Variants in NUDCD1 observed in about 807,000 individuals in gnomAD.
The protein encoded by NUDCD1 is nudC domain-containing protein 1.
In NUDCD1, 60 loss-of-function variants were observed where a neutral mutation model predicts 67.8. The observed-to-expected ratio is 0.88, with a 90% CI of 0.72 to 1.10. The LOEUF is 1.10. Among genes scored for constraint, NUDCD1 ranks in the 50% least tolerant of loss-of-function variants. NUDCD1 has a pLI of 0.00. For synonymous variants in NUDCD1, 244 were observed against 230.8 expected, an observed-to-expected ratio of 1.06 and a Z score of -0.52; for missense variants, 643 against 695.0, an observed-to-expected ratio of 0.93 and a Z score of 0.84.
chr8:109,270,976 T>G lies in NUDCD1; in HGVS notation c.1299+29A>C, dbSNP rs751621080. On this transcript the variant is annotated intron_variant, in intron 8 of 9. Transcript: ENST00000239690. Reference sequence around the variant, plus strand: ...ATTATCTGAGTAACTACTGACAAAATTTTAGAAATATTAATATCAGTAACT... The same window carrying G: ...ATTATCTGAGTAACTACTGACAAAAGTTTAGAAATATTAATATCAGTAACT... 3 of 1,479,784 alleles carry G rather than the reference T, an allele frequency of 2.0e-6. No individual in the cohort carries two copies. In the African/African-American group the frequency reaches 4.2e-5, roughly 21 times the overall value. 91.7% of individuals were successfully genotyped at this position (1,479,784 alleles called of 1,614,324 possible). A position where few individuals can be genotyped will look rare whatever the true frequency, so the allele number is the denominator to read the frequency against.
At chr8:109,296,596 A>G in intron 2 of NUDCD1, 27 bp from the exon 3 acceptor site, 3 of 1,461,012 alleles carry the variant, frequency 2.1e-6, no homozygotes, top group Non-Finnish European at 2.8e-6. Flanking sequence ...TTATACATTA[A>G]TCTCTTCCTC....
chr8:109,293,068 A>G (rs1424122854), intron 4 of NUDCD1, among the ~76,000 whole-genome samples: 1 of 152,062 alleles, frequency 6.6e-6, no homozygotes, highest in Non-Finnish European at 1.5e-5. Context: ...TGTATATATT[A>G]AAAATATACC....
intron 2 of NUDCD1, among the ~76,000 whole-genome samples, chr8:109,309,887 A>C (rs1815202019): frequency 6.6e-6 from 1 of 151,972 alleles, no homozygotes; most frequent in African/African-American, 2.4e-5. Flanking sequence ...CAAAACAAAC[A>C]AACAAAAAAA....
intron 2 of NUDCD1, among the ~76,000 whole-genome samples, chr8:109,318,566 T>C (rs1326410646): frequency 1.3e-5 from 2 of 152,092 alleles, no homozygotes; most frequent in African/African-American, 4.8e-5. Flanking sequence ...TAGTAGAACA[T>C]GGGGCTAGCA....
In NUDCD1 at chr8:109,296,260, A is replaced by C. The variant is rs755674406; in HGVS notation, c.459+124T>G. On this transcript the variant is annotated intron_variant, in intron 3 of 9. Transcript: ENST00000239690. The stretch of plus-strand genomic sequence containing the variant: ...ATTTAGTTAAAAAGAGATCCAAAAC[A>C]TTATATATCAAACAAACAACAGATC... 1.7e-5 allele frequency: 13 copies of C among 777,612 alleles called. No homozygotes were observed. The South Asian group carries it at 2.2e-4, about 13-fold the overall frequency. 48.2% of individuals were successfully genotyped at this position (777,612 alleles called of 1,614,324 possible).
chr8:109,312,590 C>T lies in NUDCD1; in HGVS notation c.273+9719G>A, dbSNP rs186420640. On this transcript the variant is annotated intron_variant, in intron 2 of 9. Coordinates refer to ENST00000239690, the MANE Select transcript of NUDCD1 (RefSeq NM_032869.4). ...ACCTGCATATGTACACGAAGATCCACGTAACAAGTATGTTTATTTTAATAA... is the reference window on the plus strand; with the variant it reads ...ACCTGCATATGTACACGAAGATCCATGTAACAAGTATGTTTATTTTAATAA... 5.0e-4 allele frequency among the ~76,000 whole-genome samples: 75 copies of T among 150,932 alleles called. 1 individual carries two copies. The highest frequency in any genetic ancestry group is 2.4e-3 in the Admixed American group (36 of 15,134).
rs1186293222 is a variant in NUDCD1 at position 109,334,084 on chromosome 8, G to C, written c.-74C>G. 2.2e-5 allele frequency: 35 copies of C among 1,598,282 alleles called. No individual in the cohort carries two copies. The highest frequency in any genetic ancestry group is 1.0e-4 in the Admixed American group (6 of 57,838). ...GTCCGCGCTTCACGCCTCGCACAGA[G>C]ACTGGGAAGCGGCGTGGTTCCCATC... is the stretch of plus-strand genomic sequence containing the variant. On this transcript the variant is annotated 5_prime_UTR_variant, in exon 1 of 10. Coordinates refer to ENST00000239690, the MANE Select transcript of NUDCD1 (RefSeq NM_032869.4).
chr8:109,263,569 G>A (rs1813920038), intron 8 of NUDCD1, among the ~76,000 whole-genome samples: 1 of 152,132 alleles, frequency 6.6e-6, no homozygotes, highest in South Asian at 2.1e-4. Context: ...GCCTGTAAAT[G>A]GGGTAAAATC....
chr8:109,267,236 T>A (rs969621523), intron 8 of NUDCD1, among the ~76,000 whole-genome samples: 1 of 152,184 alleles, frequency 6.6e-6, no homozygotes. Context: ...GTAATAAGCA[T>A]AGTTCCCGAC....
intron 5 of NUDCD1, among the ~76,000 whole-genome samples, chr8:109,287,308 A>T (rs138055581): frequency 2.6e-4 from 40 of 152,188 alleles, no homozygotes; most frequent in Middle Eastern, 3.4e-3. Context: ...AAAATAAATA[A>T]TTTTTTTGCC....
At chr8:109,313,754 T>C (rs1242498721) in intron 2 of NUDCD1, 1 of 510,054 alleles carries the variant, frequency 2.0e-6, no homozygotes, top group East Asian at 6.8e-5. Context: ...TTCTTCATTT[T>C]ATACACAATT....
At chr8:109,243,428 A>T in intron 9 of NUDCD1, 127 bp from the exon 10 acceptor site, 16 of 652,942 alleles carry the variant, frequency 2.5e-5, no homozygotes, top group South Asian at 5.4e-5. Flanking sequence ...AATATATACC[A>T]TAAGGTATAT....
intron 2 of NUDCD1, among the ~76,000 whole-genome samples, chr8:109,309,188 G>A (rs189741614): frequency 6.6e-6 from 1 of 151,448 alleles, no homozygotes; most frequent in African/African-American, 2.5e-5. Context: ...TATCCTTGAT[G>A]AACCTAGATG....
At chr8:109,268,411 C>T (rs1814056838) in intron 8 of NUDCD1, among the ~76,000 whole-genome samples, 1 of 152,128 alleles carries the variant, frequency 6.6e-6, no homozygotes, top group Non-Finnish European at 1.5e-5. Flanking sequence ...AGCAGATCCA[C>T]TAAGCTTTGG....
At chr8:109,250,185 G>C (rs1813592236) in intron 8 of NUDCD1, among the ~76,000 whole-genome samples, 1 of 152,098 alleles carries the variant, frequency 6.6e-6, no homozygotes. Context: ...TATGTAGTAA[G>C]AGACTATGTG....
At chr8:109,298,865 G>A (rs552071106) in intron 2 of NUDCD1, 3 of 152,192 alleles carry the variant, frequency 2.0e-5, no homozygotes, top group Non-Finnish European at 4.4e-5. Context: ...AAAGCCGAGA[G>A]AACCCGCAGA....
In NUDCD1 at chr8:109,301,254, G is replaced by A. The variant is rs1041655003; in HGVS notation, c.274-4685C>T. 5.9e-5 allele frequency among the ~76,000 whole-genome samples: 9 copies of A among 152,058 alleles called. 1 individual carries two copies. The highest frequency in any genetic ancestry group is 1.0e-4 in the Non-Finnish European group (7 of 68,012). On this transcript the variant is annotated intron_variant, in intron 2 of 9. Coordinates refer to ENST00000239690, the MANE Select transcript of NUDCD1 (RefSeq NM_032869.4). ...CTAACTGATAGGATATATTCTCCCC[G>A]ATCCTTAAGAAGGTACTTTGTAATA...
chr8:109,302,635 C>G (rs1203709404), intron 2 of NUDCD1, among the ~76,000 whole-genome samples: 1 of 152,198 alleles, frequency 6.6e-6, no homozygotes, highest in Non-Finnish European at 1.5e-5. Flanking sequence ...ACGATTTCCT[C>G]TTAGAGGTGG....
intron 2 of NUDCD1, among the ~76,000 whole-genome samples, chr8:109,301,758 G>C (rs917794617): frequency 6.6e-6 from 1 of 152,134 alleles, no homozygotes. Context: ...CTCTAATAGA[G>C]ACAAAAGAGA....
Sources: gnomAD v4.1 joint callset for allele counts (sites outside exome capture counted in the v4.1 genomes callset) on GRCh38, gnomAD v4.1.1 for gene constraint, MANE v1.5 for transcripts, NCBI Gene and HGNC (gene_info 2026-07-23, HGNC 2026-07-21) for gene names.